The following AUTS2 variants were observed in gnomAD, a reference collection of about 807,000 sequenced individuals.
The protein encoded by AUTS2 is autism susceptibility gene 2 protein.
AUTS2 carries 17 observed loss-of-function variants against 112.4 expected under a neutral mutation model. That is an observed-to-expected ratio of 0.15 (90% CI 0.10 to 0.23). The LOEUF (loss-of-function observed/expected upper bound fraction) is 0.23, where lower values mean the gene tolerates loss of function less well. Among genes scored for constraint, AUTS2 ranks in the 10% least tolerant of loss-of-function variants. AUTS2 has a pLI of 1.00. For missense variants in AUTS2, 1,510 were observed against 1,701.6 expected, an observed-to-expected ratio of 0.89 and a Z score of 1.98; for synonymous variants, 751 against 702.7, an observed-to-expected ratio of 1.07 and a Z score of -1.09.
At chr7:70,370,130 AACCTCTTTATT>A (rs1321974167) in intron 4 of AUTS2, among the ~76,000 whole-genome samples, 27 of 152,286 alleles carry the variant, frequency 1.8e-4, no homozygotes, top group Admixed American at 6.5e-4. Flanking sequence ...TCAAAGGAGA[AACCTCTTTATT>A]ATTTTTTTAA....
At chr7:70,136,031 G>C (rs544291136) in intron 4 of AUTS2, among the ~76,000 whole-genome samples, 25 of 152,078 alleles carry the variant, frequency 1.6e-4, no homozygotes, top group African/African-American at 5.1e-4. Flanking sequence ...TTTATTGTCA[G>C]TAGGATCACC....
rs1410636936 is a variant in AUTS2 at position 69,599,860 on chromosome 7, G to T, written c.207G>T (p.Arg69=). The change falls in exon 1 of 19, where the codon CGG becomes CGT. Residue 69 remains arginine (R), a synonymous_variant. Coordinates refer to ENST00000342771, the MANE Select transcript of AUTS2 (RefSeq NM_015570.4). The surrounding 1 kb of genome is among the most constrained non-coding windows in gnomAD (Gnocchi z 7.0). ...AGCCCCCGTCCTCCGCCCCGTCCCG[G>T]CCCAGACCCCCGCGGAGGAAGCGGA... ...NGKPPSSAPS[R]PRPPRRKRRE... is the part of the protein sequence containing the mutation. The T allele has an allele frequency of 1.2e-6, 2 of 1,613,210 alleles. No individual in the cohort carries two copies. The highest frequency in any genetic ancestry group is 1.7e-5 in the Admixed American group (1 of 60,014).
At chr7:70,590,577 C>G (rs897993356) in intron 5 of AUTS2, among the ~76,000 whole-genome samples, 19 of 152,160 alleles carry the variant, frequency 1.2e-4, no homozygotes, top group Admixed American at 5.2e-4. Flanking sequence ...GCTCGTCCCT[C>G]CAGACCTTTG....
At chr7:70,152,940 T>C (rs1807524528) in intron 4 of AUTS2, among the ~76,000 whole-genome samples, 1 of 152,146 alleles carries the variant, frequency 6.6e-6, no homozygotes, top group Non-Finnish European at 1.5e-5. Context: ...AACCATAAAC[T>C]CTAGTTTCTC....
At chr7:70,582,132 C>T (rs547258465) in intron 5 of AUTS2, among the ~76,000 whole-genome samples, 1 of 150,792 alleles carries the variant, frequency 6.6e-6, no homozygotes, top group East Asian at 2.0e-4. Context: ...TTATTCTTTG[C>T]TCTTATCGAA....
At chr7:69,637,431 C>G (rs1309431413) in intron 1 of AUTS2, among the ~76,000 whole-genome samples, 2 of 152,180 alleles carry the variant, frequency 1.3e-5, no homozygotes, top group African/African-American at 4.8e-5. Flanking sequence ...AGTGATTTTG[C>G]TATTGCCCCT....
intron 4 of AUTS2, among the ~76,000 whole-genome samples, chr7:70,193,035 A>G (rs1287605529): frequency 6.6e-6 from 1 of 152,262 alleles, no homozygotes; most frequent in Non-Finnish European, 1.5e-5. Flanking sequence ...AGAAAACCAC[A>G]TGGTAAAAAT....
At chr7:70,039,231 A>G (rs1801140624) in intron 2 of AUTS2, among the ~76,000 whole-genome samples, 2 of 152,348 alleles carry the variant, frequency 1.3e-5, no homozygotes, top group South Asian at 4.1e-4. Flanking sequence ...TAACTTAGTT[A>G]TAATGGGGCT....
At chr7:69,783,088 C>CTTTTT (rs398047755) in intron 1 of AUTS2, among the ~76,000 whole-genome samples, 6 of 85,130 alleles carry the variant, frequency 7.0e-5, no homozygotes, top group East Asian at 3.8e-4. Context: ...TGCTGCTCAT[C>CTTTTT]TTTTTTTTTT....
At chr7:69,614,011 G>A (rs1038550239) in intron 1 of AUTS2, among the ~76,000 whole-genome samples, 7 of 152,134 alleles carry the variant, frequency 4.6e-5, no homozygotes, top group African/African-American at 1.4e-4. Context: ...GCTACAAAGA[G>A]TATGCTAATG....
intron 2 of AUTS2, among the ~76,000 whole-genome samples, chr7:69,981,410 A>G (rs546371100): frequency 3.0e-4 from 46 of 152,348 alleles, no homozygotes; most frequent in Middle Eastern, 3.4e-3. Context: ...TTTTTATTTT[A>G]TAAGTGAATA....
At chr7:70,697,286 A>G (rs780034436) in intron 5 of AUTS2, among the ~76,000 whole-genome samples, 6 of 152,238 alleles carry the variant, frequency 3.9e-5, no homozygotes, top group African/African-American at 9.6e-5. Flanking sequence ...TATGCACTTC[A>G]ATGTTCGTTT....
intron 4 of AUTS2, among the ~76,000 whole-genome samples, chr7:70,297,426 ATTT>A (rs764795939): frequency 2.9e-5 from 4 of 136,406 alleles, no homozygotes; most frequent in Non-Finnish European, 1.6e-5. Context: ...GAGGAAGATA[ATTT>A]TTTTTTTTTT....
intron 4 of AUTS2, among the ~76,000 whole-genome samples, chr7:70,209,773 C>T (rs928430748): frequency 9.2e-5 from 14 of 152,040 alleles, no homozygotes; most frequent in South Asian, 8.3e-4. Flanking sequence ...TTACTACAAC[C>T]GATTAATGAA....
chr7:70,016,949 T>C (rs1800057944), intron 2 of AUTS2, among the ~76,000 whole-genome samples: 1 of 152,236 alleles, frequency 6.6e-6, no homozygotes, highest in Non-Finnish European at 1.5e-5. Flanking sequence ...ATTACAGGCG[T>C]GAGCCACTGT....
intron 4 of AUTS2, among the ~76,000 whole-genome samples, chr7:70,281,138 A>G (rs979593009): frequency 2.0e-5 from 3 of 152,182 alleles, no homozygotes; most frequent in Non-Finnish European, 1.5e-5. Context: ...ACAATCCCTT[A>G]AATTTGGTGC....
At position 70,585,499 on chromosome 7, in the gene AUTS2, G is replaced by A. The variant is rs189175387; in HGVS notation, c.691-113070G>A. Among the ~76,000 whole-genome samples the A allele has an allele frequency of 1.3e-3, 195 of 152,238 alleles. 1 individual carries two copies. Among genetic ancestry groups the A allele is most frequent in the African/African-American group, 4.6e-3 (189 of 41,536 alleles). On this transcript the variant is annotated intron_variant, in intron 5 of 18. Coordinates refer to ENST00000342771, the MANE Select transcript of AUTS2 (RefSeq NM_015570.4). The stretch of plus-strand genomic sequence containing the variant: ...AGGCACAAACAAATGAACTCCTTCC[G>A]AGAGCCCTATCAGATGTTGCAACGT...
At chr7:70,594,612 C>T (rs1364292987) in intron 5 of AUTS2, among the ~76,000 whole-genome samples, 1 of 152,196 alleles carries the variant, frequency 6.6e-6, no homozygotes. Flanking sequence ...TCTCAGCTCT[C>T]CTGGCACAGA....
intron 4 of AUTS2, among the ~76,000 whole-genome samples, chr7:70,426,641 G>C (rs573400543): frequency 6.6e-6 from 1 of 152,278 alleles, no homozygotes; most frequent in South Asian, 2.1e-4. Flanking sequence ...AGTCAATTCT[G>C]CTTGCCGTCT....
Sources: gnomAD v4.1 joint callset for allele counts (sites outside exome capture counted in the v4.1 genomes callset) on GRCh38, gnomAD v4.1.1 for gene constraint, Gnocchi (gnomAD v3.1) non-coding constraint, MANE v1.5 for transcripts, NCBI Gene and HGNC (gene_info 2026-07-23, HGNC 2026-07-21) for gene names.